FBXO40: variants seen among roughly 807,000 people sequenced by gnomAD.
FBXO40 encodes the protein F-box protein 40.
Under a neutral mutation model 49.9 loss-of-function variants are expected in FBXO40, and 50 were observed. That is an observed-to-expected ratio of 1.00 (90% CI 0.80 to 1.27). The LOEUF (loss-of-function observed/expected upper bound fraction) is 1.27. FBXO40 is among the 50% of genes most tolerant of loss of function. The pLI, the probability that FBXO40 is intolerant of heterozygous loss-of-function variation, is 0.00. For synonymous variants in FBXO40, 340 were observed against 320.2 expected, an observed-to-expected ratio of 1.06 and a Z score of -0.66; for missense variants, 895 against 870.1, an observed-to-expected ratio of 1.03 and a Z score of -0.36.
rs1270006903 is a variant in FBXO40, at chr3:121,622,387, C to T, written c.958C>T (p.His320Tyr). The T allele has an allele frequency of 1.2e-6, 2 of 1,614,196 alleles. No individual in the cohort carries two copies. Among genetic ancestry groups the T allele is most frequent in the Middle Eastern group, 1.6e-4 (1 of 6,062 alleles). ...AGTGCACAATGGGCGGATGCTGATA[C>T]ACTTTGGTCAGATGCCTGCTTGTAC... is the stretch of plus-strand genomic sequence containing the variant. ...YLVHNGRMLI[H>Y]FGQMPACTPK... The change falls in exon 3 of 4, where the codon CAC (histidine) becomes TAC (tyrosine). Residue 320 changes from histidine (H) to tyrosine (Y), a missense_variant. By Grantham distance (83) the His-to-Tyr change is moderately conservative. Transcript: ENST00000338040.
At chr3:121,602,941 T>C (rs2048908887) in intron 1 of FBXO40, among the ~76,000 whole-genome samples, 1 of 152,212 alleles carries the variant, frequency 6.6e-6, no homozygotes. Flanking sequence ...TTCAGGCTTC[T>C]ATAACAAAAG....
intron 1 of FBXO40, among the ~76,000 whole-genome samples, chr3:121,612,155 A>T (rs1253660500): frequency 6.6e-6 from 1 of 152,124 alleles, no homozygotes; most frequent in African/African-American, 2.4e-5. Flanking sequence ...TAGACCCTCT[A>T]AAAACCAGCT....
chr3:121,623,012 C>T lies in FBXO40; in HGVS notation c.1583C>T (p.Pro528Leu). 1 of 1,614,210 alleles carries T rather than the reference C, an allele frequency of 6.2e-7. No homozygotes were observed. Among genetic ancestry groups the T allele is most frequent in the Non-Finnish European group, 8.5e-7 (1 of 1,180,048 alleles). The stretch of plus-strand genomic sequence containing the variant: ...TTTGTTCAAAACCATTTCCGTCCCC[C>T]AGGGCAAAAGGCAAAAGTAATCTAT... ...CTFVQNHFRP[P>L]GQKAKVIYSQ... The change falls in exon 3 of 4, where the codon CCA (proline) becomes CTA (leucine). Residue 528 changes from proline (P) to leucine (L), a missense_variant. Coordinates refer to ENST00000338040, the MANE Select transcript of FBXO40 (RefSeq NM_016298.4).
intron 1 of FBXO40, among the ~76,000 whole-genome samples, chr3:121,609,884 C>T (rs992286237): frequency 2.0e-5 from 3 of 152,214 alleles, no homozygotes; most frequent in African/African-American, 7.2e-5. Context: ...AAGTAAAATG[C>T]TCCCATATTG....
intron 1 of FBXO40, among the ~76,000 whole-genome samples, chr3:121,597,249 G>A (rs1485679802): frequency 1.3e-5 from 2 of 152,066 alleles, no homozygotes; most frequent in Non-Finnish European, 2.9e-5. Context: ...TTTGGCCTAG[G>A]AAACAAAGAT....
At chr3:121,595,486 T>C (rs920392902) in intron 1 of FBXO40, among the ~76,000 whole-genome samples, 3 of 152,170 alleles carry the variant, frequency 2.0e-5, no homozygotes, top group African/African-American at 4.8e-5. Context: ...GCACCAGATA[T>C]AAGAATTAAC....
chr3:121,610,179 T>C (rs148131155), intron 1 of FBXO40, among the ~76,000 whole-genome samples: 299 of 151,212 alleles, frequency 2.0e-3, no homozygotes, highest in Non-Finnish European at 3.9e-3. Context: ...GCCTGCTAGC[T>C]TCCTCTGGCA....
chr3:121,628,560 C>A lies in FBXO40; in HGVS notation c.*1650C>A, dbSNP rs1385343064. 1 of 152,146 alleles carries A rather than the reference C, an allele frequency of 6.6e-6. No homozygotes were observed. Among genetic ancestry groups the A allele is most frequent in the Admixed American group, 6.6e-5 (1 of 15,264 alleles). 9.4% of individuals were successfully genotyped at this position (152,146 alleles called of 1,614,324 possible). On this transcript the variant is annotated 3_prime_UTR_variant, in exon 4 of 4. Transcript: ENST00000338040. ...CCATTAAATGTCAGTAGCACCCCCA[C>A]AGTGGCAACAATCAAAAATGTCACC...
rs2049058274 is a variant in FBXO40 at position 121,625,669 on chromosome 3, T to C, written c.1915-1026T>C. On this transcript the variant is annotated intron_variant, in intron 3 of 3. Transcript: ENST00000338040. The stretch of plus-strand genomic sequence containing the variant: ...TAAATTATTTTTTGGCTCAAGTTTT[T>C]CCCCAATTCAATGATGACTGACCAC... 1.3e-5 allele frequency among the ~76,000 whole-genome samples: 2 copies of C among 152,206 alleles called. 1 individual carries two copies. Among genetic ancestry groups the C allele is most frequent in the South Asian group, 4.1e-4 (2 of 4,834 alleles).
At chr3:121,611,330 G>A (rs113180859) in intron 1 of FBXO40, among the ~76,000 whole-genome samples, 2 of 152,104 alleles carry the variant, frequency 1.3e-5, no homozygotes, top group Non-Finnish European at 2.9e-5. Flanking sequence ...GTAGTAGGAG[G>A]GCAAGGTGAT....
In FBXO40 at chr3:121,627,804, C is replaced by T. The variant is rs530657574; in HGVS notation, c.*894C>T. On this transcript the variant is annotated 3_prime_UTR_variant, in exon 4 of 4. Transcript: ENST00000338040. ...ATGACCTCAATACACTAATGCCAAC[C>T]TCAGCGTCATGCCAGAATGCACAGG... 7 of 398,510 alleles carry T rather than the reference C, an allele frequency of 1.8e-5. No individual in the cohort carries two copies. Among genetic ancestry groups the T allele is most frequent in the Non-Finnish European group, 3.1e-5 (7 of 226,088 alleles). 24.7% of individuals were successfully genotyped at this position (398,510 alleles called of 1,614,324 possible).
At chr3:121,619,498 G>T (rs1348730076) in intron 1 of FBXO40, among the ~76,000 whole-genome samples, 1 of 152,114 alleles carries the variant, frequency 6.6e-6, no homozygotes, top group Non-Finnish European at 1.5e-5. Context: ...AATTAAGTTA[G>T]TTGTTAACAT....
chr3:121,621,446 G>T lies in FBXO40; in HGVS notation c.17G>T (p.Arg6Ile), dbSNP rs1251543654. 3 of 1,613,024 alleles carry T rather than the reference G, an allele frequency of 1.9e-6. No individual in the cohort carries two copies. The Admixed American group carries it at 5.0e-5, about 27-fold the overall frequency. The change falls in exon 3 of 4, where the codon AGA becomes ATA. Residue 6 changes from arginine (R) to isoleucine (I), a missense_variant. Transcript: ENST00000338040. MGKAR[R>I]SPPGHHRHCE... Reference sequence around the variant, plus strand: ...TGGTGTGTCCAGGGGAAAGCCCGCAGATCCCCGCCAGGGCACCACAGGCAT... The same window carrying T: ...TGGTGTGTCCAGGGGAAAGCCCGCATATCCCCGCCAGGGCACCACAGGCAT...
chr3:121,623,889 T>C (rs2049048349), intron 3 of FBXO40, among the ~76,000 whole-genome samples: 2 of 151,476 alleles, frequency 1.3e-5, no homozygotes, highest in Non-Finnish European at 2.9e-5. Context: ...GGTTTCTCCA[T>C]GTTGGTCAGG....
In FBXO40 at chr3:121,628,151, AT is replaced by A. The variant is rs2049073134; in HGVS notation, c.*1246del. 1 of 383,376 alleles carries A rather than the reference AT, an allele frequency of 2.6e-6. No homozygotes were observed. The highest frequency in any genetic ancestry group is 3.7e-5 in the East Asian group (1 of 26,928). 23.7% of individuals were successfully genotyped at this position (383,376 alleles called of 1,614,324 possible). ...GCTTCTTAGCCTTGGAACTATTGAC[AT>A]TTTTAAATGGATAATTCTTTTTTTT... On this transcript the variant is annotated 3_prime_UTR_variant, in exon 4 of 4. Coordinates refer to ENST00000338040, the MANE Select transcript of FBXO40 (RefSeq NM_016298.4).
chr3:121,607,128 A>G (rs1329130667), intron 1 of FBXO40, among the ~76,000 whole-genome samples: 10 of 151,636 alleles, frequency 6.6e-5, no homozygotes, highest in African/African-American at 1.9e-4. Flanking sequence ...AGCTGGGCAT[A>G]GTGGTGCATG....
At chr3:121,616,470 A>G (rs2048998099) in intron 1 of FBXO40, among the ~76,000 whole-genome samples, 1 of 152,216 alleles carries the variant, frequency 6.6e-6, no homozygotes, top group African/African-American at 2.4e-5. Flanking sequence ...GCGATTGAGC[A>G]CTTGAAATGT....
intron 1 of FBXO40, among the ~76,000 whole-genome samples, chr3:121,615,197 T>TGAGA: frequency 2.8e-5 from 1 of 35,822 alleles, no homozygotes; most frequent in East Asian, 1.0e-3. Context: ...AGAGAGAGCA[T>TGAGA]CTCAAAAAAA....
chr3:121,596,645 A>C (rs967284881), intron 1 of FBXO40, among the ~76,000 whole-genome samples: 1 of 152,220 alleles, frequency 6.6e-6, no homozygotes, highest in Non-Finnish European at 1.5e-5. Context: ...TGTTTAAAAG[A>C]ACAAGTACTT....
Sources: gnomAD v4.1 joint callset for allele counts (sites outside exome capture counted in the v4.1 genomes callset) on GRCh38, gnomAD v4.1.1 for gene constraint, MANE v1.5 for transcripts, NCBI Gene and HGNC (gene_info 2026-07-23, HGNC 2026-07-21) for gene names.